PTPRN2: variants seen among roughly 807,000 people sequenced by gnomAD.
PTPRN2 encodes receptor-type tyrosine-protein phosphatase N2.
PTPRN2 carries 74 observed loss-of-function variants against 118.8 expected under a neutral mutation model. The ratio of observed to expected loss-of-function variants is 0.62; its 90% CI spans 0.52 to 0.76. The LOEUF is 0.76. PTPRN2 is among the 30% of genes least tolerant of loss of function. The pLI is 0.00. For synonymous variants in PTPRN2, 641 were observed against 608.0 expected, an observed-to-expected ratio of 1.05 and a Z score of -0.80; for missense variants, 1,481 against 1,394.4, an observed-to-expected ratio of 1.06 and a Z score of -0.99.
intron 17 of PTPRN2, among the ~76,000 whole-genome samples, chr7:157,589,353 T>C (rs557656932): frequency 8.5e-5 from 13 of 152,368 alleles, no homozygotes; most frequent in Non-Finnish European, 1.3e-4. Context: ...TTATGCCCAC[T>C]GGACTCGAAT....
At chr7:158,135,630 C>T (rs549864885) in intron 8 of PTPRN2, among the ~76,000 whole-genome samples, 16 of 152,286 alleles carry the variant, frequency 1.1e-4, no homozygotes, top group African/African-American at 3.6e-4. Context: ...CCCCCCAGAG[C>T]GCTCCCTGCC....
In PTPRN2 at chr7:157,779,004, C is replaced by A. The variant is rs570774905; in HGVS notation, c.1789-96067G>T. ...TATGCTGGAAACGGGCCACAGCGCT[C>A]AAGCAGAGCTCCGCTCACAGCCAGG... On this transcript the variant is annotated intron_variant, in intron 12 of 22. Transcript: ENST00000389418. This position sits in a 1 kb window ranked among gnomAD's most constrained non-coding sequence, Gnocchi z 4.7. 6.6e-6 allele frequency among the ~76,000 whole-genome samples: 1 copy of A among 152,228 alleles called. No homozygotes were observed. Among genetic ancestry groups the A allele is most frequent in the Non-Finnish European group, 1.5e-5 (1 of 68,036 alleles).
chr7:158,161,622 A>G lies in PTPRN2; in HGVS notation c.910+5309T>C, dbSNP rs146602082. On this transcript the variant is annotated intron_variant, in intron 6 of 22. Transcript: ENST00000389418. Reference sequence around the variant, plus strand: ...CCTCATTATAAAATGAAAAACCATAAAACTCCTTAAAGGTAAGAGAGGAGA... The same window carrying G: ...CCTCATTATAAAATGAAAAACCATAGAACTCCTTAAAGGTAAGAGAGGAGA... Among the ~76,000 whole-genome samples, 1,261 of 152,332 alleles carry G rather than the reference A, an allele frequency of 8.3e-3. 8 individuals carry two copies. Among genetic ancestry groups the G allele is most frequent in the Non-Finnish European group, 0.012 (828 of 68,028 alleles).
intron 2 of PTPRN2, among the ~76,000 whole-genome samples, chr7:158,333,927 T>A: frequency 1.0e-5 from 1 of 96,542 alleles, no homozygotes; most frequent in Non-Finnish European, 2.0e-5. Flanking sequence ...ACCCACACTC[T>A]CACCATAAGA....
chr7:158,557,377 ACGCAGTTTAGGCAGCTCCCG>A (rs1827111964), intron 1 of PTPRN2, among the ~76,000 whole-genome samples: 1 of 143,052 alleles, frequency 7.0e-6, no homozygotes, highest in Non-Finnish European at 1.5e-5. Flanking sequence ...GGCGGCTCCC[ACGCAGTTTAGGCAGCTCCCG>A]CGCAGGTCAG....
At chr7:158,232,470 A>G (rs900517041) in intron 3 of PTPRN2, among the ~76,000 whole-genome samples, 6 of 152,180 alleles carry the variant, frequency 3.9e-5, no homozygotes, top group African/African-American at 1.4e-4. Context: ...TTACCATCAA[A>G]GAAAAGCCCA....
intron 2 of PTPRN2, among the ~76,000 whole-genome samples, chr7:158,435,266 C>A (rs1049638509): frequency 9.2e-5 from 14 of 152,098 alleles, no homozygotes; most frequent in African/African-American, 3.4e-4. Context: ...AACAAAATAA[C>A]CTGATTTTTT....
chr7:157,574,206 G>T (rs1233264449), intron 19 of PTPRN2: 11 of 300,428 alleles, frequency 3.7e-5, no homozygotes, highest in Non-Finnish European at 7.4e-5. Flanking sequence ...GAGAAAGAAC[G>T]ATTAGTGATA....
chr7:158,366,430 C>T (rs1809527470), intron 2 of PTPRN2, among the ~76,000 whole-genome samples: 1 of 151,692 alleles, frequency 6.6e-6, no homozygotes, highest in African/African-American at 2.4e-5. Flanking sequence ...CAGCCCAATG[C>T]ACGCGTGCAC....
rs1823025457 is a variant in PTPRN2, at chr7:158,509,519, A to G, written c.113-19734T>C. Among the ~76,000 whole-genome samples the G allele has an allele frequency of 6.6e-6, 1 of 152,228 alleles. No individual in the cohort carries two copies. Among genetic ancestry groups the G allele is most frequent in the Non-Finnish European group, 1.5e-5 (1 of 68,026 alleles). ...CCAGTCCTCATCTCTTCTTTCTAGA[A>G]ACCCAAGTTAAAGATCAAGGTGACA... is the stretch of plus-strand genomic sequence containing the variant. On this transcript the variant is annotated intron_variant, in intron 1 of 22. Transcript: ENST00000389418. The surrounding 1 kb of genome is among the most constrained non-coding windows in gnomAD (Gnocchi z 4.4).
At chr7:157,837,646 C>T (rs1486589693) in intron 12 of PTPRN2, among the ~76,000 whole-genome samples, 6 of 152,156 alleles carry the variant, frequency 3.9e-5, no homozygotes, top group African/African-American at 1.4e-4. Flanking sequence ...CTGCCGTCTG[C>T]AAGGACACGG....
chr7:158,137,147 G>T (rs181357481), intron 7 of PTPRN2, among the ~76,000 whole-genome samples: 2 of 152,112 alleles, frequency 1.3e-5, no homozygotes, highest in Non-Finnish European at 2.9e-5. Flanking sequence ...GGCTGGGCGC[G>T]GTGGCTCACG....
chr7:158,312,834 G>T (rs1004134996), intron 3 of PTPRN2, among the ~76,000 whole-genome samples: 1 of 150,800 alleles, frequency 6.6e-6, no homozygotes, highest in South Asian at 2.1e-4. Flanking sequence ...TCCCCTACAC[G>T]TGAGCATGGG....
In PTPRN2 at chr7:157,585,620, C is replaced by T. The variant is rs549280783; in HGVS notation, c.2497-7480G>A. Among the ~76,000 whole-genome samples the T allele has an allele frequency of 9.8e-5, 15 of 152,332 alleles. No individual in the cohort carries two copies. In the South Asian group the frequency reaches 2.1e-3, roughly 21 times the overall value. ...TGGCCTCTGCCTGTGCTCACGTTCC[C>T]GGTTAAATATGCGCCTGGTCTCCTT... On this transcript the variant is annotated intron_variant, in intron 17 of 22. Coordinates refer to ENST00000389418, the MANE Select transcript of PTPRN2 (RefSeq NM_002847.5). This position sits in a 1 kb window ranked among gnomAD's most constrained non-coding sequence, Gnocchi z 5.2.
At chr7:158,291,882 A>C (rs1800144750) in intron 3 of PTPRN2, among the ~76,000 whole-genome samples, 1 of 152,206 alleles carries the variant, frequency 6.6e-6, no homozygotes, top group Admixed American at 6.5e-5. Context: ...GAGAAAGAAG[A>C]GGGGAGTGTA....
intron 11 of PTPRN2, among the ~76,000 whole-genome samples, chr7:157,908,505 C>T (rs1797904287): frequency 6.6e-6 from 1 of 152,252 alleles, no homozygotes; most frequent in Non-Finnish European, 1.5e-5. Context: ...GGTGCCCACT[C>T]TTGCGTTTCT....
chr7:157,944,034 A>G lies in PTPRN2; in HGVS notation c.1724-45297T>C, dbSNP rs1800310936. 6.6e-6 allele frequency among the ~76,000 whole-genome samples: 1 copy of G among 152,180 alleles called. No individual in the cohort carries two copies. Among genetic ancestry groups the G allele is most frequent in the African/African-American group, 2.4e-5 (1 of 41,434 alleles). ...TCCACGTTGTAAGGGTTTTAAACCA[A>G]TGTTTCTAAGGGAGCACTGGGCTTC... On this transcript the variant is annotated intron_variant, in intron 11 of 22. Coordinates refer to ENST00000389418, the MANE Select transcript of PTPRN2 (RefSeq NM_002847.5). The surrounding 1 kb of genome is among the most constrained non-coding windows in gnomAD (Gnocchi z 4.3).
At chr7:158,402,766 G>A (rs1293488856) in intron 2 of PTPRN2, among the ~76,000 whole-genome samples, 1 of 152,186 alleles carries the variant, frequency 6.6e-6, no homozygotes, top group Non-Finnish European at 1.5e-5. Flanking sequence ...GGCCAGGCAG[G>A]GTGGTGTCAT....
chr7:158,332,832 A>C (rs1804771822), intron 2 of PTPRN2, among the ~76,000 whole-genome samples: 1 of 150,260 alleles, frequency 6.7e-6, no homozygotes, highest in African/African-American at 2.5e-5. Flanking sequence ...TCTCACCATA[A>C]GAGGTGACAC....
Sources: gnomAD v4.1 joint callset for allele counts (sites outside exome capture counted in the v4.1 genomes callset) on GRCh38, gnomAD v4.1.1 for gene constraint, Gnocchi (gnomAD v3.1) non-coding constraint, MANE v1.5 for transcripts, NCBI Gene and HGNC (gene_info 2026-07-23, HGNC 2026-07-21) for gene names.